Variants in GRIK4 observed in about 807,000 individuals in gnomAD.
The protein encoded by GRIK4 is glutamate receptor ionotropic, kainate 4.
GRIK4 carries 40 observed loss-of-function variants against 104.9 expected under a neutral mutation model. The observed-to-expected ratio is 0.38, with a 90% CI of 0.30 to 0.50. The LOEUF (loss-of-function observed/expected upper bound fraction) is 0.50, where lower values mean the gene tolerates loss of function less well. GRIK4 is among the 20% of genes least tolerant of loss of function. The pLI is 0.93. For synonymous variants in GRIK4, 485 were observed against 524.9 expected (o/e 0.92, Z 1.04); for missense variants, 1,047 against 1,308.1 (o/e 0.80, Z 3.08).
chr11:120,860,540 A>T (rs141541776), intron 8 of GRIK4, among the ~76,000 whole-genome samples: 43 of 152,280 alleles, frequency 2.8e-4, no homozygotes, highest in African/African-American at 9.9e-4. Flanking sequence ...TGACTGCGTC[A>T]TCTAAAGTAG....
chr11:120,605,382 G>C (rs1256079811), intron 1 of GRIK4, among the ~76,000 whole-genome samples: 1 of 152,202 alleles, frequency 6.6e-6, no homozygotes, highest in Non-Finnish European at 1.5e-5. Flanking sequence ...ATAGAATTAG[G>C]CACAGGGGAC....
chr11:120,766,478 C>A (rs1192413351), intron 3 of GRIK4, among the ~76,000 whole-genome samples: 1 of 152,194 alleles, frequency 6.6e-6, no homozygotes, highest in East Asian at 1.9e-4. Context: ...GTGTTGCTGG[C>A]ATTCCAGGCA....
intron 1 of GRIK4, among the ~76,000 whole-genome samples, chr11:120,530,357 C>T (rs1947910617): frequency 6.6e-6 from 1 of 152,130 alleles, no homozygotes; most frequent in Admixed American, 6.5e-5. Flanking sequence ...CAAGCTATTG[C>T]AGGCTCTAGA....
intron 19 of GRIK4, among the ~76,000 whole-genome samples, chr11:120,975,879 A>G (rs1194774130): frequency 1.3e-5 from 2 of 152,160 alleles, no homozygotes; most frequent in Non-Finnish European, 2.9e-5. Context: ...CAAGTTACCT[A>G]ACTCCTCTGC....
chr11:120,653,887 G>C (rs933662947), intron 2 of GRIK4, 95 bp downstream of exon 2: 5 of 152,286 alleles, frequency 3.3e-5, no homozygotes, highest in Admixed American at 6.5e-5. Flanking sequence ...CCCAGAGCCA[G>C]ATGGAGCCCA....
chr11:120,776,954 A>G (rs1952055786), intron 3 of GRIK4, among the ~76,000 whole-genome samples: 1 of 152,146 alleles, frequency 6.6e-6, no homozygotes, highest in African/African-American at 2.4e-5. Context: ...CTGTTGGGCA[A>G]ATCAACCCCC....
intron 1 of GRIK4, among the ~76,000 whole-genome samples, chr11:120,575,586 G>A (rs537300313): frequency 7.2e-5 from 11 of 152,184 alleles, no homozygotes; most frequent in Non-Finnish European, 1.0e-4. Context: ...GGGTGTGTGC[G>A]TGGGTTTGGG....
In GRIK4 at chr11:120,902,382, G is replaced by A. The variant is rs529901561; in HGVS notation, c.1273-2908G>A. ...TCCCCATCCTTGGGCTTTCCAACGC[G>A]TCTCCAAGACCGGCCTTGTGTCTGT... On this transcript the variant is annotated intron_variant, in intron 12 of 20. Coordinates refer to ENST00000527524, the MANE Select transcript of GRIK4 (RefSeq NM_014619.5). This position sits in a 1 kb window ranked among gnomAD's most constrained non-coding sequence, Gnocchi z 4.5. Among the ~76,000 whole-genome samples the A allele has an allele frequency of 1.2e-4, 19 of 152,234 alleles. No individual in the cohort carries two copies. The highest frequency in any genetic ancestry group is 8.5e-4 in the Admixed American group (13 of 15,298).
chr11:120,810,766 G>A (rs896612365), intron 4 of GRIK4, among the ~76,000 whole-genome samples: 4 of 152,082 alleles, frequency 2.6e-5, no homozygotes, highest in African/African-American at 9.7e-5. Flanking sequence ...GTATTAAATA[G>A]CATCGAGCCT....
At chr11:120,515,177 C>T (rs940716298) in intron 1 of GRIK4, among the ~76,000 whole-genome samples, 1 of 152,210 alleles carries the variant, frequency 6.6e-6, no homozygotes, top group African/African-American at 2.4e-5. Flanking sequence ...TGGCCCTTTG[C>T]ATTTCCTCCT....
chr11:120,785,619 T>C (rs1372913699), intron 3 of GRIK4, among the ~76,000 whole-genome samples: 1 of 152,212 alleles, frequency 6.6e-6, no homozygotes, highest in Non-Finnish European at 1.5e-5. Context: ...AGTTAGCTCA[T>C]ATCAGGGTCA....
intron 1 of GRIK4, among the ~76,000 whole-genome samples, chr11:120,614,529 A>G (rs576459545): frequency 9.9e-5 from 15 of 152,152 alleles, no homozygotes; most frequent in Non-Finnish European, 1.9e-4. Context: ...ATGGCCCCAC[A>G]GCTGCTCCTG....
chr11:120,801,089 C>T (rs906916785), intron 3 of GRIK4, among the ~76,000 whole-genome samples: 1 of 152,204 alleles, frequency 6.6e-6, no homozygotes, highest in Non-Finnish European at 1.5e-5. Context: ...TTAGCAGACA[C>T]TCCTCATTTC....
chr11:120,514,789 C>G (rs747088088), intron 1 of GRIK4, among the ~76,000 whole-genome samples: 39 of 152,338 alleles, frequency 2.6e-4, no homozygotes, highest in Middle Eastern at 3.4e-3. Context: ...CCTTCCCTCT[C>G]TCTGGTGCCT....
At chr11:120,544,031 G>T (rs1393785380) in intron 1 of GRIK4, among the ~76,000 whole-genome samples, 1 of 152,228 alleles carries the variant, frequency 6.6e-6, no homozygotes, top group Non-Finnish European at 1.5e-5. Flanking sequence ...GCTATGCAAG[G>T]CGAGTCAGTT....
chr11:120,912,011 A>G (rs993438356), intron 13 of GRIK4, among the ~76,000 whole-genome samples: 1 of 152,206 alleles, frequency 6.6e-6, no homozygotes, highest in Non-Finnish European at 1.5e-5. Context: ...TTAAATGCGT[A>G]TATGTTTTAC....
chr11:120,795,427 C>A (rs564056309), intron 3 of GRIK4, among the ~76,000 whole-genome samples: 1 of 152,174 alleles, frequency 6.6e-6, no homozygotes, highest in African/African-American at 2.4e-5. Context: ...GGCTGCTGTC[C>A]GTCCACTCAT....
chr11:120,696,114 T>C (rs1950445098), intron 3 of GRIK4, among the ~76,000 whole-genome samples: 1 of 152,174 alleles, frequency 6.6e-6, no homozygotes, highest in East Asian at 1.9e-4. Flanking sequence ...CCTCTGTCAC[T>C]TGTCCTATAA....
intron 8 of GRIK4, among the ~76,000 whole-genome samples, chr11:120,837,624 C>T (rs1363014315): frequency 2.6e-5 from 4 of 152,042 alleles, no homozygotes; most frequent in African/African-American, 9.7e-5. Context: ...AGAGCATTAC[C>T]AGCACCCCAG....
Sources: gnomAD v4.1 joint callset for allele counts (sites outside exome capture counted in the v4.1 genomes callset) on GRCh38, gnomAD v4.1.1 for gene constraint, Gnocchi (gnomAD v3.1) non-coding constraint, MANE v1.5 for transcripts, NCBI Gene and HGNC (gene_info 2026-07-23, HGNC 2026-07-21) for gene names.